PTPRS: variants seen among roughly 807,000 people sequenced by gnomAD.
PTPRS encodes protein tyrosine phosphatase receptor type S.
PTPRS carries 63 observed loss-of-function variants against 215.3 expected under a neutral mutation model. That is an observed-to-expected ratio of 0.29 (90% CI 0.24 to 0.36). PTPRS has a LOEUF of 0.36. PTPRS is among the 10% of genes least tolerant of loss of function. The pLI, the probability that PTPRS is intolerant of heterozygous loss-of-function variation, is 1.00. For missense variants in PTPRS, 2,258 were observed against 2,825.8 expected (o/e 0.80, Z 4.56); for synonymous variants, 1,404 against 1,191.4 (o/e 1.18, Z -3.68).
At chr19:5,228,931 A>G (rs933165166) in intron 16 of PTPRS, among the ~76,000 whole-genome samples, 4 of 152,212 alleles carry the variant, frequency 2.6e-5, no homozygotes, top group Non-Finnish European at 4.4e-5. Flanking sequence ...GAGTGACAGT[A>G]AAGGGTGGGG....
intron 1 of PTPRS, among the ~76,000 whole-genome samples, chr19:5,303,057 G>C (rs189242992): frequency 1.3e-5 from 2 of 152,162 alleles, no homozygotes; most frequent in East Asian, 3.9e-4. Flanking sequence ...GCGACAGAGA[G>C]AGACCCCGTC....
rs1282613695 is a variant in PTPRS, at chr19:5,265,208, G to A, written c.380-12C>T. ...GGGCAGCTGGTCCTCTGAGGGCAGA[G>A]ACGTGAGAGAAATGGGCATGGTTCT... On this transcript the variant is annotated splice_polypyrimidine_tract_variant and intron_variant, in intron 4 of 37. Coordinates refer to ENST00000262963, the MANE Select transcript of PTPRS (RefSeq NM_002850.4). 3.1e-6 allele frequency: 5 copies of A among 1,610,728 alleles called. No homozygotes were observed. Among genetic ancestry groups the A allele is most frequent in the Non-Finnish European group, 4.2e-6 (5 of 1,177,878 alleles).
chr19:5,303,795 C>A (rs2049378827), intron 1 of PTPRS, among the ~76,000 whole-genome samples: 1 of 150,540 alleles, frequency 6.6e-6, no homozygotes, highest in Non-Finnish European at 1.5e-5. Flanking sequence ...ACTAAAAATA[C>A]AAAAAATTAG....
At chr19:5,263,374 G>C (rs1038309779) in intron 5 of PTPRS, among the ~76,000 whole-genome samples, 2 of 152,114 alleles carry the variant, frequency 1.3e-5, no homozygotes, top group Non-Finnish European at 2.9e-5. Flanking sequence ...TTTGGGGCTT[G>C]GTTTTCACTA....
Position 5,211,731 on chromosome 19 carries a change from A to G in PTPRS, c.5093T>C (p.Ile1698Thr), listed in dbSNP as rs777698094. ...CTTGTTACAAGGCAGATTGGCACTGATGAAGCGTGACGTGTGGGCCTTGGA... is the reference window on the plus strand; with the variant it reads ...CTTGTTACAAGGCAGATTGGCACTGGTGAAGCGTGACGTGTGGGCCTTGGA... ...ANSKAHTSRF[I>T]SANLPCNKFK... The change falls in exon 33 of 38, where the codon ATC becomes ACC. Residue 1698 changes from isoleucine (I) to threonine (T), a missense_variant. By Grantham distance (89) the Ile-to-Thr change is moderately conservative. This residue lies in a region of PTPRS where 927 missense variants were observed against 1,125.9 expected (regional missense o/e 0.82). Coordinates refer to ENST00000262963, the MANE Select transcript of PTPRS (RefSeq NM_002850.4). 1 of 1,614,044 alleles carries G rather than the reference A, an allele frequency of 6.2e-7. No homozygotes were observed.
At chr19:5,279,002 A>T (rs949665405) in intron 2 of PTPRS, among the ~76,000 whole-genome samples, 2 of 151,562 alleles carry the variant, frequency 1.3e-5, no homozygotes, top group Non-Finnish European at 2.9e-5. Flanking sequence ...CCTGACCAAC[A>T]TGGTGAAACC....
chr19:5,332,271 G>C (rs2050351672), intron 1 of PTPRS, among the ~76,000 whole-genome samples: 1 of 152,126 alleles, frequency 6.6e-6, no homozygotes, highest in African/African-American at 2.4e-5. Context: ...GCGATTACAG[G>C]TATGCACCAC....
At chr19:5,323,378 A>C (rs1447303074) in intron 1 of PTPRS, among the ~76,000 whole-genome samples, 1 of 152,210 alleles carries the variant, frequency 6.6e-6, no homozygotes, top group Admixed American at 6.6e-5. Context: ...ACAAAAAAGC[A>C]TTCAACAGAG....
At chr19:5,245,131 C>T (rs898878635) in intron 10 of PTPRS, among the ~76,000 whole-genome samples, 4 of 151,246 alleles carry the variant, frequency 2.6e-5, no homozygotes, top group African/African-American at 9.8e-5. Context: ...AGATGTGCGC[C>T]ACCACGCCCA....
chr19:5,268,778 C>G (rs886654071), intron 4 of PTPRS, among the ~76,000 whole-genome samples: 2 of 152,206 alleles, frequency 1.3e-5, no homozygotes. Flanking sequence ...CACACTTGTC[C>G]CAGGTCATAC....
Position 5,235,232 on chromosome 19 carries a change from G to A in PTPRS, c.1850-3617C>T, listed in dbSNP as rs1005055389. 2.6e-5 allele frequency among the ~76,000 whole-genome samples: 4 copies of A among 152,150 alleles called. No individual in the cohort carries two copies. The South Asian group carries it at 6.2e-4, about 24-fold the overall frequency. On this transcript the variant is annotated intron_variant, in intron 13 of 37. Coordinates refer to ENST00000262963, the MANE Select transcript of PTPRS (RefSeq NM_002850.4). ...TGGGATTACAGGCATGAGCCGCCGCGCCCGGCCAATAGTTTTCATTTCTTA... is the reference window on the plus strand; with the variant it reads ...TGGGATTACAGGCATGAGCCGCCGCACCCGGCCAATAGTTTTCATTTCTTA...
chr19:5,214,841 G>A, intron 28 of PTPRS, 105 bp from the exon 29 acceptor site: 2 of 1,180,642 alleles, frequency 1.7e-6, no homozygotes, highest in Non-Finnish European at 2.3e-6. Flanking sequence ...CTCCCAGATT[G>A]TCCCCAAGGT....
intron 37 of PTPRS, 36 bp from the exon 38 acceptor site, chr19:5,206,878 T>C: frequency 1.3e-6 from 2 of 1,591,970 alleles, no homozygotes; most frequent in Non-Finnish European, 1.7e-6. Context: ...GTACCTCCGC[T>C]GCTCTAACGC....
chr19:5,231,771 G>C (rs928287179), intron 13 of PTPRS, among the ~76,000 whole-genome samples, 156 bp from the exon 14 acceptor site: 15 of 151,780 alleles, frequency 9.9e-5, no homozygotes, highest in Non-Finnish European at 1.5e-5. Context: ...CCCAAAAGAA[G>C]TGGGTGTCAA....
chr19:5,207,452 C>T (rs1222348946), intron 37 of PTPRS, among the ~76,000 whole-genome samples: 1 of 152,206 alleles, frequency 6.6e-6, no homozygotes. Context: ...AGCGATCCTC[C>T]CACCTCAGCC....
At chr19:5,303,960 T>TA (rs2147107988) in intron 1 of PTPRS, among the ~76,000 whole-genome samples, 1 of 67,934 alleles carries the variant, frequency 1.5e-5, no homozygotes, top group East Asian at 2.8e-4. Context: ...CAAAAAATAA[T>TA]AATAACAATA....
At chr19:5,230,771 A>C (rs112033825) in intron 14 of PTPRS, among the ~76,000 whole-genome samples, 3 of 152,118 alleles carry the variant, frequency 2.0e-5, no homozygotes, top group African/African-American at 7.2e-5. Context: ...AAGAAGTTGC[A>C]ATTTTATTGG....
Position 5,338,572 on chromosome 19 carries a change from G to A in PTPRS, c.-95+2092C>T, listed in dbSNP as rs2050582284. On this transcript the variant is annotated intron_variant, in intron 1 of 37. Transcript: ENST00000262963. The surrounding 1 kb of genome is among the most constrained non-coding windows in gnomAD (Gnocchi z 4.2). ...AGTCAGGCCCAAGCTGGGGGGCTGTGGGATTTGAGGGCGGGAAGCAGCCGC... is the reference window on the plus strand; with the variant it reads ...AGTCAGGCCCAAGCTGGGGGGCTGTAGGATTTGAGGGCGGGAAGCAGCCGC... Among the ~76,000 whole-genome samples the A allele has an allele frequency of 6.6e-6, 1 of 152,172 alleles. No homozygotes were observed.
intron 2 of PTPRS, among the ~76,000 whole-genome samples, chr19:5,280,521 C>T (rs1034095948): frequency 2.0e-5 from 3 of 151,710 alleles, no homozygotes; most frequent in Non-Finnish European, 4.4e-5. Context: ...GAGTTCAGGA[C>T]CAGCCTGGCC....
Sources: allele counts gnomAD v4.1 joint callset (sites outside exome capture counted in the v4.1 genomes callset), GRCh38; gene constraint gnomAD v4.1.1; regional missense constraint gnomAD v4.1.1; non-coding constraint Gnocchi (gnomAD v3.1); transcripts MANE v1.5; gene names NCBI Gene and HGNC (gene_info 2026-07-23, HGNC 2026-07-21).